SUPT3H: variants seen among roughly 807,000 people sequenced by gnomAD.
The protein encoded by SUPT3H is transcription initiation protein SPT3 homolog.
Under a neutral mutation model 44.3 loss-of-function variants are expected in SUPT3H, and 44 were observed. The observed-to-expected ratio is 0.99, with a 90% CI of 0.78 to 1.28. The LOEUF is 1.28. Ranked by LOEUF, SUPT3H falls within the 50% of genes most tolerant of loss-of-function variation. The pLI, the probability that SUPT3H is intolerant of heterozygous loss-of-function variation, is 0.00. For missense variants in SUPT3H, 380 were observed against 387.1 expected (o/e 0.98, Z 0.15); for synonymous variants, 124 against 125.6 (o/e 0.99, Z 0.09).
At chr6:45,245,365 G>A (rs1771154469) in intron 2 of SUPT3H, among the ~76,000 whole-genome samples, 1 of 151,904 alleles carries the variant, frequency 6.6e-6, no homozygotes, top group African/African-American at 2.4e-5. Flanking sequence ...TCACATTATT[G>A]AGCAAACATC....
chr6:44,916,111 A>T (rs1295344297), intron 10 of SUPT3H, among the ~76,000 whole-genome samples: 1 of 152,230 alleles, frequency 6.6e-6, no homozygotes, highest in Non-Finnish European at 1.5e-5. Flanking sequence ...GTACAAAGAC[A>T]TATTTTAAGA....
At chr6:45,144,881 C>T (rs545854232) in intron 2 of SUPT3H, among the ~76,000 whole-genome samples, 14 of 152,110 alleles carry the variant, frequency 9.2e-5, no homozygotes, top group East Asian at 1.9e-4. Flanking sequence ...CTAACAACGA[C>T]GAAGCTGAGA....
chr6:45,335,682 T>C (rs1788401313), intron 2 of SUPT3H, among the ~76,000 whole-genome samples: 1 of 151,294 alleles, frequency 6.6e-6, no homozygotes, highest in East Asian at 1.9e-4. Context: ...TGAAAGTACA[T>C]AAGCATTTCA....
chr6:44,928,178 T>TA (rs1351113946), intron 10 of SUPT3H, among the ~76,000 whole-genome samples: 2 of 152,232 alleles, frequency 1.3e-5, no homozygotes, highest in African/African-American at 4.8e-5. Context: ...TCGAAGTTCT[T>TA]AATCACCACA....
At chr6:45,221,895 CAATA>C (rs1166072695) in intron 2 of SUPT3H, among the ~76,000 whole-genome samples, 4 of 152,004 alleles carry the variant, frequency 2.6e-5, no homozygotes, top group African/African-American at 9.7e-5. Flanking sequence ...ATAACTACAA[CAATA>C]AATACAGTGT....
At chr6:44,902,449 TG>T (rs1198778818) in intron 10 of SUPT3H, among the ~76,000 whole-genome samples, 7 of 152,042 alleles carry the variant, frequency 4.6e-5, no homozygotes, top group Admixed American at 4.6e-4. Context: ...CATAACATAA[TG>T]GTAAAGGGAT....
At chr6:45,272,550 C>T (rs144336103) in intron 2 of SUPT3H, among the ~76,000 whole-genome samples, 64 of 152,142 alleles carry the variant, frequency 4.2e-4, no homozygotes, top group Admixed American at 2.6e-3. Flanking sequence ...TTATCAACAG[C>T]GTGAAAATGG....
intron 6 of SUPT3H, among the ~76,000 whole-genome samples, chr6:44,998,018 A>G (rs926463983): frequency 1.3e-5 from 2 of 151,888 alleles, no homozygotes; most frequent in Non-Finnish European, 2.9e-5. Context: ...CATTATATAT[A>G]CTTTCAAATT....
At chr6:44,928,877 C>T (rs1181461837) in intron 10 of SUPT3H, among the ~76,000 whole-genome samples, 1 of 21,352 alleles carries the variant, frequency 4.7e-5, no homozygotes, top group African/African-American at 5.5e-4. Context: ...AACGAGACTC[C>T]GTCTCAAAAA....
chr6:44,847,958 CTT>C lies in SUPT3H; in HGVS notation c.913-18103_913-18102del, dbSNP rs969869912. ...CTAGTGTTGACAGTTATCTCTGTGT[CTT>C]TTTTTTTTTTTTTTTTTTTTTTTTG... On this transcript the variant is annotated intron_variant, in intron 10 of 10. Coordinates refer to ENST00000371459, the MANE Select transcript of SUPT3H (RefSeq NM_003599.4). 2.7e-4 allele frequency among the ~76,000 whole-genome samples: 16 copies of C among 58,382 alleles called. No individual in the cohort carries two copies. In the South Asian group the frequency reaches 4.7e-3, roughly 17 times the overall value. 38.3% of individuals were successfully genotyped at this position (58,382 alleles called of 152,430 possible).
At chr6:45,013,192 AG>A (rs1783754185) in intron 5 of SUPT3H, among the ~76,000 whole-genome samples, 1 of 152,006 alleles carries the variant, frequency 6.6e-6, no homozygotes, top group South Asian at 2.1e-4. Context: ...TGACTGCAGG[AG>A]GGCTCTTTTT....
At chr6:45,179,521 T>G (rs1050906402) in intron 2 of SUPT3H, among the ~76,000 whole-genome samples, 2 of 152,204 alleles carry the variant, frequency 1.3e-5, no homozygotes, top group East Asian at 1.9e-4. Context: ...ATCAAAAAAC[T>G]TATCCACCAT....
intron 6 of SUPT3H, among the ~76,000 whole-genome samples, chr6:44,985,385 CTCTT>C (rs1456118955): frequency 1.3e-5 from 2 of 151,870 alleles, no homozygotes; most frequent in African/African-American, 4.8e-5. Context: ...CACAGTGAGA[CTCTT>C]TATCCAAAAA....
At chr6:45,200,172 G>A (rs145721533) in intron 2 of SUPT3H, among the ~76,000 whole-genome samples, 3 of 151,602 alleles carry the variant, frequency 2.0e-5, no homozygotes, top group Admixed American at 2.0e-4. Flanking sequence ...ACAATACTCA[G>A]TGTAAATATT....
rs188583951 is a variant in SUPT3H, at chr6:45,286,428, A to G, written c.101+78773T>C. Among the ~76,000 whole-genome samples, 500 of 152,274 alleles carry G rather than the reference A, an allele frequency of 3.3e-3. 3 individuals are homozygous for G. Among genetic ancestry groups the G allele is most frequent in the African/African-American group, 6.7e-3 (278 of 41,524 alleles). On this transcript the variant is annotated intron_variant, in intron 2 of 10. Transcript: ENST00000371459. ...AAAACAACCCCATCAAAAAGTGGGC[A>G]AAGGATATGAACAGACACTTCTCAA...
intron 2 of SUPT3H, among the ~76,000 whole-genome samples, chr6:45,284,941 C>T (rs1778946221): frequency 6.6e-6 from 1 of 152,146 alleles, no homozygotes; most frequent in Non-Finnish European, 1.5e-5. Flanking sequence ...GTTCAACATA[C>T]ACAAATCAAT....
chr6:45,230,686 A>ATATATTTTT (rs796866510), intron 2 of SUPT3H, among the ~76,000 whole-genome samples: 2 of 116,796 alleles, frequency 1.7e-5, no homozygotes, highest in African/African-American at 6.3e-5. Flanking sequence ...ATATATATAT[A>ATATATTTTT]TTTTTGAGAT....
chr6:44,908,744 T>C (rs1353117184), intron 10 of SUPT3H, among the ~76,000 whole-genome samples: 1 of 152,062 alleles, frequency 6.6e-6, no homozygotes, highest in Non-Finnish European at 1.5e-5. Flanking sequence ...GTATATATAA[T>C]TCCTGACATA....
intron 10 of SUPT3H, among the ~76,000 whole-genome samples, chr6:44,919,918 GC>G (rs1306386148): frequency 6.6e-6 from 1 of 151,736 alleles, no homozygotes; most frequent in East Asian, 1.9e-4. Context: ...TTGCTCTGTT[GC>G]CCAGGGTGGA....
Sources: allele counts gnomAD v4.1 joint callset (sites outside exome capture counted in the v4.1 genomes callset), GRCh38; gene constraint gnomAD v4.1.1; transcripts MANE v1.5; gene names NCBI Gene and HGNC (gene_info 2026-07-23, HGNC 2026-07-21).